The following SMAP2 variants were observed in gnomAD, a reference collection of about 807,000 sequenced individuals.
SMAP2 encodes the protein stromal membrane-associated protein 2.
A neutral mutation model predicts 56.4 loss-of-function variants in SMAP2; 25 were observed. The ratio of observed to expected loss-of-function variants is 0.44; its 90% CI spans 0.32 to 0.62. The LOEUF (loss-of-function observed/expected upper bound fraction) is 0.62, where lower values mean the gene tolerates loss of function less well. Among genes scored for constraint, SMAP2 ranks in the 20% least tolerant of loss-of-function variants. The pLI is 0.04. For synonymous variants in SMAP2, 157 were observed against 181.7 expected, an observed-to-expected ratio of 0.86 and a Z score of 1.09; for missense variants, 388 against 545.6, an observed-to-expected ratio of 0.71 and a Z score of 2.88.
chr1:40,419,280 CT>C (rs35237067), intron 9 of SMAP2, among the ~76,000 whole-genome samples: 82,498 of 121,606 alleles, frequency 0.68, 26,515 homozygotes, highest in Non-Finnish European at 0.69. Context: ...TTCTTCCTTT[CT>C]TTTTTTTTTT....
intron 1 of SMAP2, among the ~76,000 whole-genome samples, chr1:40,399,310 A>ATTTTTTTTTTTTTTTTT (rs747127620): frequency 1.1e-3 from 97 of 91,922 alleles, no homozygotes; most frequent in East Asian, 2.3e-3. Context: ...ACGTGTGGCT[A>ATTTTTTTTTTTTTTTTT]TTTTTTTTTT....
At chr1:40,396,098 A>T (rs1008260050) in intron 1 of SMAP2, among the ~76,000 whole-genome samples, 1 of 152,186 alleles carries the variant, frequency 6.6e-6, no homozygotes, top group Non-Finnish European at 1.5e-5. Flanking sequence ...TTGGTTGAGT[A>T]TATAAGTGGC....
At chr1:40,351,283 A>G (rs1158144291) in intron 1 of SMAP2, among the ~76,000 whole-genome samples, 1 of 152,134 alleles carries the variant, frequency 6.6e-6, no homozygotes, top group African/African-American at 2.4e-5. Context: ...GGAAAAGGAG[A>G]TACTCATCTG....
chr1:40,409,154 A>G (rs1644912046), intron 3 of SMAP2, among the ~76,000 whole-genome samples: 1 of 152,256 alleles, frequency 6.6e-6, no homozygotes, highest in African/African-American at 2.4e-5. Flanking sequence ...GTTGTTTACC[A>G]GTTTGTCAAT....
intron 1 of SMAP2, among the ~76,000 whole-genome samples, chr1:40,391,089 G>A (rs1250458204): frequency 6.6e-6 from 1 of 152,146 alleles, no homozygotes; most frequent in Non-Finnish European, 1.5e-5. Context: ...CTAGATGCCA[G>A]TAGCTCTTCC....
chr1:40,403,898 C>T (rs1314113299), intron 1 of SMAP2, among the ~76,000 whole-genome samples: 1 of 152,044 alleles, frequency 6.6e-6, no homozygotes, highest in Non-Finnish European at 1.5e-5. Context: ...CAGGAGTTCA[C>T]AACCAGCCTA....
chr1:40,416,649 T>C, intron 8 of SMAP2, 131 bp from the exon 9 acceptor site: 1 of 979,176 alleles, frequency 1.0e-6, no homozygotes, highest in East Asian at 2.6e-5. Context: ...CTAACTACTT[T>C]GCTGTGTAAA....
Position 40,374,868 on chromosome 1 carries a change from C to A in SMAP2, c.103+645C>A. 1.0e-6 allele frequency: 1 copy of A among 985,318 alleles called. No homozygotes were observed. The highest frequency in any genetic ancestry group is 5.2e-4 in the Middle Eastern group (1 of 1,914). The allele number at this position is 985,318 out of a possible 1,614,324, so 61.0% of individuals were successfully genotyped here. A position where few individuals can be genotyped will look rare whatever the true frequency, so the allele number is the denominator to read the frequency against. ...CAGTGCGGATTTCTAGGCAGTGTAG[C>A]CCTGGCTTGTAGAGTGCGTTGGAGG... On this transcript the variant is annotated intron_variant, in intron 1 of 9. Coordinates refer to ENST00000372718, the MANE Select transcript of SMAP2 (RefSeq NM_022733.3). This position sits in a 1 kb window ranked among gnomAD's most constrained non-coding sequence, Gnocchi z 5.9.
intron 6 of SMAP2, among the ~76,000 whole-genome samples, chr1:40,415,017 G>T (rs1644973290): frequency 6.6e-6 from 1 of 152,178 alleles, no homozygotes; most frequent in South Asian, 2.1e-4. Context: ...GCCCCCCACT[G>T]TGGTGCTGAA....
At chr1:40,417,223 G>C in intron 9 of SMAP2, 127 bp downstream of exon 9, 1 of 548,038 alleles carries the variant, frequency 1.8e-6, no homozygotes, top group Non-Finnish European at 3.0e-6. Context: ...ACATTGTTAG[G>C]TTTGCTTTTT....
chr1:40,369,167 AAGG>A (rs1644488050), upstream of SMAP2, among the ~76,000 whole-genome samples: 1 of 10,826 alleles, frequency 9.2e-5, no homozygotes, highest in Non-Finnish European at 2.0e-4. Flanking sequence ...GGACCTCTTC[AAGG>A]AGAACTACAA....
chr1:40,374,959 GGAGA>G lies in SMAP2; in HGVS notation c.103+741_103+744del. On this transcript the variant is annotated intron_variant, in intron 1 of 9. Transcript: ENST00000372718. The surrounding 1 kb of genome is among the most constrained non-coding windows in gnomAD (Gnocchi z 5.9). ...GTAGTGCAGGATCCGTTTAATCAGT[GGAGA>G]GAGAAAGATGAATTCGATGAATTCA... is the stretch of plus-strand genomic sequence containing the variant. 7 of 985,310 alleles carry G rather than the reference GGAGA, an allele frequency of 7.1e-6. No homozygotes were observed. The highest frequency in any genetic ancestry group is 8.4e-6 in the Non-Finnish European group (7 of 829,924). 61.0% of individuals were successfully genotyped at this position (985,310 alleles called of 1,614,324 possible).
chr1:40,352,545 T>C (rs1338999397), intron 1 of SMAP2, among the ~76,000 whole-genome samples: 1 of 152,096 alleles, frequency 6.6e-6, no homozygotes, highest in African/African-American at 2.4e-5. Flanking sequence ...TTTCTATTTT[T>C]TTTTACTTTT....
chr1:40,386,029 T>C lies in SMAP2; in HGVS notation c.103+11806T>C, dbSNP rs1222751010. Among the ~76,000 whole-genome samples, 1 of 152,230 alleles carries C rather than the reference T, an allele frequency of 6.6e-6. No individual in the cohort carries two copies. The highest frequency in any genetic ancestry group is 2.4e-5 in the African/African-American group (1 of 41,450). Reference sequence around the variant, plus strand: ...GAACTGGTGACATCATATGCTGTAGTGTAAAGCTTGTAGAGAAGGGGGCAT... The same window carrying C: ...GAACTGGTGACATCATATGCTGTAGCGTAAAGCTTGTAGAGAAGGGGGCAT... On this transcript the variant is annotated intron_variant, in intron 1 of 9. Transcript: ENST00000372718. The surrounding 1 kb of genome is among the most constrained non-coding windows in gnomAD (Gnocchi z 4.1).
At chr1:40,411,351 A>G (rs987781581) in intron 4 of SMAP2, among the ~76,000 whole-genome samples, 2 of 152,244 alleles carry the variant, frequency 1.3e-5, no homozygotes, top group Admixed American at 1.3e-4. Flanking sequence ...CTGTCTGCCC[A>G]GCTCTGTTCA....
At chr1:40,355,404 T>A (rs1343834510) in intron 1 of SMAP2, among the ~76,000 whole-genome samples, 3 of 152,004 alleles carry the variant, frequency 2.0e-5, no homozygotes, top group African/African-American at 7.2e-5. Flanking sequence ...TGCTTATTTT[T>A]AATTTTTAAT....
intron 2 of SMAP2, chr1:40,365,209 A>G (rs1644477055): frequency 6.5e-6 from 1 of 153,482 alleles, no homozygotes; most frequent in African/African-American, 2.4e-5. Flanking sequence ...TCATGCCTGT[A>G]ACCTCAGCAC....
At chr1:40,392,962 C>T (rs370195420) in intron 1 of SMAP2, among the ~76,000 whole-genome samples, 94 of 152,004 alleles carry the variant, frequency 6.2e-4, no homozygotes, top group African/African-American at 2.2e-3. Flanking sequence ...ATTAGCCAGG[C>T]GTGGTGGCAT....
chr1:40,408,710 G>A lies in SMAP2; in HGVS notation c.295G>A (p.Glu99Lys). The change falls in exon 3 of 10, where the codon GAG becomes AAG. Residue 99 changes from glutamate to lysine, a missense_variant. Glu to Lys is a moderately conservative substitution (Grantham distance 56). Transcript: ENST00000372718. The surrounding 1 kb of genome is among the most constrained non-coding windows in gnomAD (Gnocchi z 4.3). Reference protein sequence around the residue: ...ANRLYEAYLPETFRRPQIDPA... With the variant: ...ANRLYEAYLPKTFRRPQIDPA... ...CCGACTTTATGAAGCCTATCTTCCT[G>A]AGACCTTTCGGCGACCTCAGATAGA... The A allele has an allele frequency of 6.2e-7, 1 of 1,613,956 alleles. No homozygotes were observed. Among genetic ancestry groups the A allele is most frequent in the Non-Finnish European group, 8.5e-7 (1 of 1,179,882 alleles).
Sources: allele counts gnomAD v4.1 joint callset (sites outside exome capture counted in the v4.1 genomes callset), GRCh38; gene constraint gnomAD v4.1.1; non-coding constraint Gnocchi (gnomAD v3.1); transcripts MANE v1.5; gene names NCBI Gene and HGNC (gene_info 2026-07-23, HGNC 2026-07-21).